The following CTNNA3 variants were observed in gnomAD, a reference collection of about 807,000 sequenced individuals.
The protein encoded by CTNNA3 is catenin alpha-3.
In CTNNA3, 76 loss-of-function variants were observed where a neutral mutation model predicts 95.7. The ratio of observed to expected loss-of-function variants is 0.79; its 90% CI spans 0.66 to 0.96. The LOEUF (loss-of-function observed/expected upper bound fraction) is 0.96. Ranked by LOEUF, CTNNA3 falls within the 40% of genes least tolerant of loss-of-function variation. The probability of loss-of-function intolerance (pLI) is 0.00; values close to 1 mark genes in which losing one functional copy is unlikely to be tolerated. For missense variants in CTNNA3, 1,191 were observed against 1,089.8 expected (o/e 1.09, Z -1.31); for synonymous variants, 431 against 374.4 (o/e 1.15, Z -1.74).
intron 11 of CTNNA3, among the ~76,000 whole-genome samples, chr10:66,424,685 T>C (rs990089611): frequency 6.6e-6 from 1 of 152,166 alleles, no homozygotes; most frequent in African/African-American, 2.4e-5. Context: ...GAAGAGACTT[T>C]CTTCCTTTGT....
At chr10:67,659,825 C>T (rs1164867835) in intron 1 of CTNNA3, among the ~76,000 whole-genome samples, 2 of 152,110 alleles carry the variant, frequency 1.3e-5, no homozygotes, top group African/African-American at 4.8e-5. Context: ...TATGAATTCT[C>T]GTAAGGTCTG....
intron 1 of CTNNA3, among the ~76,000 whole-genome samples, chr10:67,730,003 T>TA (rs937643584): frequency 7.2e-5 from 11 of 152,154 alleles, no homozygotes; most frequent in Non-Finnish European, 1.2e-4. Flanking sequence ...AGGAAAATGT[T>TA]AGAGTTCTTA....
intron 15 of CTNNA3, among the ~76,000 whole-genome samples, chr10:65,993,587 T>C (rs997817077): frequency 6.6e-6 from 1 of 152,206 alleles, no homozygotes; most frequent in Admixed American, 6.5e-5. Context: ...TTGGTTTCTG[T>C]TTGCACCAAA....
intron 1 of CTNNA3, among the ~76,000 whole-genome samples, chr10:67,735,726 G>A (rs1411624635): frequency 2.6e-5 from 4 of 152,106 alleles, no homozygotes; most frequent in South Asian, 2.1e-4. Context: ...GTGCACTGCC[G>A]TTGCTATGGA....
At chr10:66,281,692 A>G (rs1376702943) in intron 12 of CTNNA3, among the ~76,000 whole-genome samples, 8 of 151,926 alleles carry the variant, frequency 5.3e-5, no homozygotes, top group East Asian at 3.9e-4. Flanking sequence ...AAAAATATCA[A>G]TAAATGTTAT....
intron 12 of CTNNA3, among the ~76,000 whole-genome samples, chr10:66,368,064 T>C (rs1749120840): frequency 6.6e-6 from 1 of 151,648 alleles, no homozygotes; most frequent in Non-Finnish European, 1.5e-5. Flanking sequence ...TGTCGTCCTA[T>C]TTCTGTTTTT....
At chr10:67,698,508 G>T (rs970785435), upstream of CTNNA3, among the ~76,000 whole-genome samples, 1 of 152,146 alleles carries the variant, frequency 6.6e-6, no homozygotes, top group East Asian at 1.9e-4. Flanking sequence ...CCTCCAGGGT[G>T]CAATATGTTC....
At chr10:66,830,913 A>C (rs1438688352) in intron 7 of CTNNA3, among the ~76,000 whole-genome samples, 2 of 152,178 alleles carry the variant, frequency 1.3e-5, no homozygotes, top group Non-Finnish European at 2.9e-5. Context: ...CTGGCCTACT[A>C]ATTTCTTCTT....
chr10:66,752,278 A>G (rs148765098), intron 9 of CTNNA3, among the ~76,000 whole-genome samples: 1,769 of 152,242 alleles, frequency 0.012, 31 homozygotes, highest in African/African-American at 0.039. Flanking sequence ...GAGACCAGAG[A>G]CATACCCACA....
At chr10:66,609,927 G>C (rs1012297087) in intron 10 of CTNNA3, among the ~76,000 whole-genome samples, 8 of 152,132 alleles carry the variant, frequency 5.3e-5, no homozygotes, top group Non-Finnish European at 1.2e-4. Flanking sequence ...CCATAAAAAA[G>C]ATTGAGATCA....
At chr10:66,630,482 A>C (rs757877178) in intron 9 of CTNNA3, among the ~76,000 whole-genome samples, 1 of 152,154 alleles carries the variant, frequency 6.6e-6, no homozygotes, top group African/African-American at 2.4e-5. Flanking sequence ...GTCCCAATTT[A>C]GCTTTTAATT....
chr10:67,323,646 C>T (rs952532896), intron 5 of CTNNA3, among the ~76,000 whole-genome samples: 3 of 152,022 alleles, frequency 2.0e-5, no homozygotes, highest in Non-Finnish European at 2.9e-5. Context: ...AGTCAGGGAG[C>T]GTGATGCTTC....
intron 5 of CTNNA3, among the ~76,000 whole-genome samples, chr10:67,318,019 T>C (rs1374807459): frequency 3.9e-5 from 6 of 152,250 alleles, no homozygotes; most frequent in African/African-American, 7.2e-5. Context: ...AACCATTTTT[T>C]TTTTTTTACA....
chr10:67,562,281 C>T (rs895100111), intron 3 of CTNNA3, among the ~76,000 whole-genome samples: 1 of 152,142 alleles, frequency 6.6e-6, no homozygotes, highest in Non-Finnish European at 1.5e-5. Context: ...CATCAAAAAG[C>T]TTATCCACCA....
chr10:67,660,722 G>C (rs1416173067), intron 1 of CTNNA3, among the ~76,000 whole-genome samples: 1 of 152,036 alleles, frequency 6.6e-6, no homozygotes, highest in Non-Finnish European at 1.5e-5. Context: ...ATGAGGTCAG[G>C]AGATCGAGAC....
intron 7 of CTNNA3, among the ~76,000 whole-genome samples, chr10:66,940,846 A>G (rs1477269066): frequency 6.6e-6 from 1 of 152,152 alleles, no homozygotes; most frequent in Non-Finnish European, 1.5e-5. Context: ...TGCAGATGCC[A>G]TCTCTGGTAA....
chr10:67,687,893 C>T (rs1840764395), intron 1 of CTNNA3, among the ~76,000 whole-genome samples: 1 of 152,052 alleles, frequency 6.6e-6, no homozygotes, highest in Non-Finnish European at 1.5e-5. Context: ...AACTCCAGTC[C>T]CCATGATCTG....
intron 7 of CTNNA3, among the ~76,000 whole-genome samples, chr10:66,887,159 A>G (rs1341469433): frequency 6.6e-6 from 1 of 152,188 alleles, no homozygotes; most frequent in Non-Finnish European, 1.5e-5. Context: ...CTGGTTTGCT[A>G]GTTAACAGTT....
rs560307767 is a variant in CTNNA3, at chr10:66,638,407, T to C, written c.1282-16623A>G. Among the ~76,000 whole-genome samples the C allele has an allele frequency of 1.2e-4, 18 of 152,306 alleles. No homozygotes were observed. The East Asian group carries it at 3.3e-3, about 28-fold the overall frequency. ...GCATCCTCTAGAAGCGGACTTTAAT[T>C]GAATATAATATCCTCCCGCCGCCGC... On this transcript the variant is annotated intron_variant, in intron 9 of 17. Coordinates refer to ENST00000433211, the MANE Select transcript of CTNNA3 (RefSeq NM_013266.4).
Sources: allele counts gnomAD v4.1 joint callset (sites outside exome capture counted in the v4.1 genomes callset), GRCh38; gene constraint gnomAD v4.1.1; transcripts MANE v1.5; gene names NCBI Gene and HGNC (gene_info 2026-07-23, HGNC 2026-07-21).